Variants in CGAS observed in about 807,000 individuals in gnomAD.
The protein encoded by CGAS is 2'3'-cGAMP synthase.
Under a neutral mutation model 34.0 loss-of-function variants are expected in CGAS, and 31 were observed. The observed-to-expected ratio is 0.91, with a 90% CI of 0.69 to 1.23. CGAS has a LOEUF of 1.23. Among genes scored for constraint, CGAS ranks in the 50% most tolerant of loss-of-function variants. The pLI is 0.00. For missense variants in CGAS, 597 were observed against 657.6 expected (o/e 0.91, Z 1.01); for synonymous variants, 266 against 260.0 (o/e 1.02, Z -0.22).
chr6:73,452,270 C>T lies in CGAS; in HGVS notation c.-89G>A. 7.0e-7 allele frequency: 1 copy of T among 1,427,318 alleles called. No homozygotes were observed. Among genetic ancestry groups the T allele is most frequent in the Non-Finnish European group, 9.2e-7 (1 of 1,081,934 alleles). The allele number at this position is 1,427,318 out of a possible 1,614,324, so 88.4% of individuals were successfully genotyped here. A position where few individuals can be genotyped will look rare whatever the true frequency, so the allele number is the denominator to read the frequency against. ...CCAGCAGCAGCTGTTGGAAACCAAG[C>T]ACTACTGGCGGGCACACAAGAGTCT... On this transcript the variant is annotated 5_prime_UTR_variant, in exon 1 of 5. Transcript: ENST00000370315.
intron 2 of CGAS, among the ~76,000 whole-genome samples, chr6:73,441,575 A>G (rs1188737675): frequency 6.6e-6 from 1 of 152,150 alleles, no homozygotes; most frequent in African/African-American, 2.4e-5. Flanking sequence ...AAAATAGAAT[A>G]AGCAGGAAGA....
At position 73,451,923 on chromosome 6, in the gene CGAS, G is replaced by T; in HGVS notation, c.259C>A (p.Arg87Ser). ...TCAGACGGCTGCGTGTCCTGGGCGC[G>T]CTGAGGGGCCTTTTTGGCGCGGGCC... ...TGARAKKAPQ[R>S]AQDTQPSDAT... The change falls in exon 1 of 5, where the codon CGC becomes AGC. Residue 87 changes from arginine to serine, a missense_variant. Arg to Ser is a moderately radical substitution (Grantham distance 110). This residue lies in a region of CGAS where 321 missense variants were observed against 314.3 expected (regional missense o/e 1.02). Transcript: ENST00000370315. The T allele has an allele frequency of 1.3e-6, 2 of 1,508,812 alleles. No individual in the cohort carries two copies. Among genetic ancestry groups the T allele is most frequent in the Non-Finnish European group, 1.8e-6 (2 of 1,125,482 alleles). 93.5% of individuals were successfully genotyped at this position (1,508,812 alleles called of 1,614,324 possible).
chr6:73,425,524 A>G lies in CGAS; in HGVS notation c.1272T>C (p.Phe424=). ...KYLLEQLKER[F]KDKKHLDKFS... is the part of the protein sequence containing the mutation. ...ATTTATCCAGATGTTTTTTGTCTTT[A>G]AACCTTTCTTTCAGCTGTTCTAAAA... The change falls in exon 5 of 5, where the codon TTT becomes TTC. Residue 424 remains phenylalanine (F), a synonymous_variant. Transcript: ENST00000370315. 1 of 1,610,950 alleles carries G rather than the reference A, an allele frequency of 6.2e-7. No individual in the cohort carries two copies. Among genetic ancestry groups the G allele is most frequent in the South Asian group, 1.1e-5 (1 of 90,286 alleles).
chr6:73,433,516 GTCTC>G (rs1770227429), intron 3 of CGAS, among the ~76,000 whole-genome samples: 1 of 148,156 alleles, frequency 6.7e-6, no homozygotes, highest in Non-Finnish European at 1.5e-5. Context: ...TTGAGACGGA[GTCTC>G]TCTCTGTCAC....
Position 73,452,136 on chromosome 6 carries a change from C to G in CGAS, c.46G>C (p.Gly16Arg). ...GKAMQRASEAGATAPKASARN... is the reference protein window; with the variant it reads ...GKAMQRASEARATAPKASARN... The stretch of plus-strand genomic sequence containing the variant: ...GCGGAAGCCTTGGGGGCAGTGGCTC[C>G]GGCCTCGGAAGCTCTCTGCATGGCC... Residue 16 changes from glycine to arginine, a missense_variant, in exon 1 of 5, where the codon GGA (glycine) becomes CGA (arginine). Gly to Arg is a moderately radical substitution (Grantham distance 125). Coordinates refer to ENST00000370315, the MANE Select transcript of CGAS (RefSeq NM_138441.3). 1 of 1,607,052 alleles carries G rather than the reference C, an allele frequency of 6.2e-7. No individual in the cohort carries two copies.
At chr6:73,438,001 G>C (rs1367902290) in intron 3 of CGAS, among the ~76,000 whole-genome samples, 1 of 152,156 alleles carries the variant, frequency 6.6e-6, no homozygotes, top group Non-Finnish European at 1.5e-5. Flanking sequence ...CCCAGGAGGT[G>C]GAGGTTGCAG....
At chr6:73,442,413 T>C (rs1295532512) in intron 2 of CGAS, among the ~76,000 whole-genome samples, 1 of 151,478 alleles carries the variant, frequency 6.6e-6, no homozygotes, top group Non-Finnish European at 1.5e-5. Flanking sequence ...ACTTTTTTTT[T>C]TTTTTGAGAC....
intron 1 of CGAS, among the ~76,000 whole-genome samples, chr6:73,448,638 AC>A (rs978431401): frequency 2.0e-5 from 3 of 152,068 alleles, no homozygotes; most frequent in African/African-American, 7.2e-5. Context: ...TGTGTGTGCC[AC>A]CACATCCAGT....
At position 73,452,139 on chromosome 6, in the gene CGAS, C is replaced by G. The variant is rs754846031; in HGVS notation, c.43G>C (p.Ala15Pro). The change falls in exon 1 of 5, where the codon GCC (alanine) becomes CCC (proline). Residue 15 changes from alanine to proline, a missense_variant. Transcript: ENST00000370315. ...GAAGCCTTGGGGGCAGTGGCTCCGG[C>G]CTCGGAAGCTCTCTGCATGGCCTTT... ...HGKAMQRASE[A>P]GATAPKASAR... 6.2e-7 allele frequency: 1 copy of G among 1,607,638 alleles called. No individual in the cohort carries two copies. The highest frequency in any genetic ancestry group is 1.7e-5 in the Admixed American group (1 of 59,484).
chr6:73,436,608 A>C (rs895870499), intron 3 of CGAS, among the ~76,000 whole-genome samples: 3 of 151,786 alleles, frequency 2.0e-5, no homozygotes, highest in African/African-American at 7.3e-5. Context: ...CTGCAGCCTC[A>C]ACCTCCAGGG....
intron 4 of CGAS, among the ~76,000 whole-genome samples, chr6:73,427,381 C>T (rs1395899906): frequency 1.3e-5 from 2 of 151,878 alleles, no homozygotes; most frequent in Non-Finnish European, 1.5e-5. Context: ...CTTATTGCAA[C>T]CTCTGTCTCC....
At chr6:73,438,389 G>A (rs1048084255) in intron 3 of CGAS, among the ~76,000 whole-genome samples, 31 of 152,108 alleles carry the variant, frequency 2.0e-4, no homozygotes, top group South Asian at 2.1e-4. Context: ...CATTTTAATG[G>A]AAGAATGAAA....
intron 2 of CGAS, among the ~76,000 whole-genome samples, chr6:73,441,638 T>C (rs1035052615): frequency 6.6e-6 from 1 of 152,138 alleles, no homozygotes; most frequent in African/African-American, 2.4e-5. Flanking sequence ...TCTAGATACC[T>C]GTGGGACACT....
chr6:73,425,019 A>G lies in CGAS; in HGVS notation c.*208T>C. 1 of 346,182 alleles carries G rather than the reference A, an allele frequency of 2.9e-6. No homozygotes were observed. Among genetic ancestry groups the G allele is most frequent in the South Asian group, 3.2e-5 (1 of 31,464 alleles). 21.4% of individuals were successfully genotyped at this position (346,182 alleles called of 1,614,324 possible). A position where few individuals can be genotyped will look rare whatever the true frequency, so the allele number is the denominator to read the frequency against. On this transcript the variant is annotated 3_prime_UTR_variant, in exon 5 of 5. Coordinates refer to ENST00000370315, the MANE Select transcript of CGAS (RefSeq NM_138441.3). The stretch of plus-strand genomic sequence containing the variant: ...CAGGCATGCATCACCATGCCCGGCT[A>G]ATTTTTATATTTTTAGTAGAGATGG...
chr6:73,442,757 C>A (rs890237214), intron 2 of CGAS, among the ~76,000 whole-genome samples: 2 of 151,944 alleles, frequency 1.3e-5, no homozygotes, highest in Non-Finnish European at 1.5e-5. Context: ...TGCCACCACG[C>A]CTGGCTAATT....
At chr6:73,430,404 G>A (rs1366823448) in intron 3 of CGAS, among the ~76,000 whole-genome samples, 2 of 152,138 alleles carry the variant, frequency 1.3e-5, no homozygotes, top group Admixed American at 1.3e-4. Context: ...GCCGAGACAG[G>A]AGACCAGCCT....
At position 73,425,373 on chromosome 6, in the gene CGAS, G is replaced by C; in HGVS notation, c.1423C>G (p.Leu475Val). 6.2e-7 allele frequency: 1 copy of C among 1,613,156 alleles called. No individual in the cohort carries two copies. Among genetic ancestry groups the C allele is most frequent in the African/African-American group, 1.3e-5 (1 of 74,948 alleles). ...TAATTCTCAAGTTTTTCTGTCCTGAGGCACTGAAGAAAGTATGTCACGCAG... is the reference window on the plus strand; with the variant it reads ...TAATTCTCAAGTTTTTCTGTCCTGACGCACTGAAGAAAGTATGTCACGCAG... ...DNCVTYFLQC[L>V]RTEKLENYFI... Residue 475 changes from leucine (L) to valine (V), a missense_variant, in exon 5 of 5, where the codon CTC becomes GTC. Leu to Val is a conservative substitution (Grantham distance 32). This residue lies in a region of CGAS where 271 missense variants were observed against 324.1 expected (regional missense o/e 0.84). Transcript: ENST00000370315.
chr6:73,430,146 T>C (rs2150810159), intron 3 of CGAS, among the ~76,000 whole-genome samples: 1 of 152,014 alleles, frequency 6.6e-6, no homozygotes, highest in African/African-American at 2.4e-5. Context: ...ACAATCATTA[T>C]GTGAGGTAAA....
At chr6:73,429,315 C>T (rs1017309701) in intron 3 of CGAS, among the ~76,000 whole-genome samples, 1 of 150,660 alleles carries the variant, frequency 6.6e-6, no homozygotes, top group East Asian at 1.9e-4. Context: ...ATGGGCCTAA[C>T]CGAAAAAAAA....
Sources: allele counts gnomAD v4.1 joint callset (sites outside exome capture counted in the v4.1 genomes callset), GRCh38; gene constraint gnomAD v4.1.1; regional missense constraint gnomAD v4.1.1; transcripts MANE v1.5; gene names NCBI Gene and HGNC (gene_info 2026-07-23, HGNC 2026-07-21).